Variants in GFRA1 observed in about 807,000 individuals in gnomAD.
GFRA1 encodes the protein GDNF family receptor alpha 1.
A neutral mutation model predicts 51.6 loss-of-function variants in GFRA1; 16 were observed. The ratio of observed to expected loss-of-function variants is 0.31; its 90% confidence interval spans 0.21 to 0.47. The LOEUF (loss-of-function observed/expected upper bound fraction) is 0.47. Among genes scored for constraint, GFRA1 ranks in the 20% least tolerant of loss-of-function variants. The pLI, the probability that GFRA1 is intolerant of heterozygous loss-of-function variation, is 1.00. For synonymous variants in GFRA1, 270 were observed against 241.3 expected (o/e 1.12, Z -1.10); for missense variants, 530 against 594.3 (o/e 0.89, Z 1.13).
chr10:116,206,300 C>T (rs896337950), intron 5 of GFRA1, among the ~76,000 whole-genome samples: 2 of 152,028 alleles, frequency 1.3e-5, no homozygotes, highest in Non-Finnish European at 2.9e-5. Flanking sequence ...GCTAAGGGGT[C>T]GCAGCTTTAT....
At chr10:116,241,854 AT>A (rs1967408826) in intron 4 of GFRA1, among the ~76,000 whole-genome samples, 1 of 152,172 alleles carries the variant, frequency 6.6e-6, no homozygotes, top group African/African-American at 2.4e-5. Context: ...CTACCCAGCC[AT>A]TCTTACTGGA....
chr10:116,268,983 A>G (rs558546566), intron 4 of GFRA1, among the ~76,000 whole-genome samples: 1 of 152,350 alleles, frequency 6.6e-6, no homozygotes, highest in African/African-American at 2.4e-5. Context: ...TCAGGAAAAA[A>G]TAGAAGCAAA....
At chr10:116,087,362 G>C (rs1956145219) in intron 9 of GFRA1, among the ~76,000 whole-genome samples, 1 of 152,152 alleles carries the variant, frequency 6.6e-6, no homozygotes, top group Non-Finnish European at 1.5e-5. Context: ...CAATTTCATG[G>C]GGTTTCCAAT....
At chr10:116,253,290 C>A (rs1267732352) in intron 4 of GFRA1, among the ~76,000 whole-genome samples, 1 of 152,246 alleles carries the variant, frequency 6.6e-6, no homozygotes, top group Non-Finnish European at 1.5e-5. Flanking sequence ...TGAGTCCAGT[C>A]AGCCAGGGCA....
intron 9 of GFRA1, among the ~76,000 whole-genome samples, chr10:116,086,336 G>C (rs541044532): frequency 2.1e-4 from 32 of 152,274 alleles, no homozygotes; most frequent in African/African-American, 7.5e-4. Flanking sequence ...ACTGACTTGG[G>C]ATCAGACACC....
Position 116,270,975 on chromosome 10 carries a change from T to C in GFRA1, c.181A>G (p.Ser61Gly). The C allele has an allele frequency of 6.2e-7, 1 of 1,614,222 alleles. No individual in the cohort carries two copies. The highest frequency in any genetic ancestry group is 8.5e-7 in the Non-Finnish European group (1 of 1,180,042). Reference protein sequence around the residue: ...QCVAGKETNFSLASGLEAKDE... With the variant: ...QCVAGKETNFGLASGLEAKDE... ...TTGGCCTCCAGGCCGGATGCCAGGC[T>C]GAAGTTGGTCTCCTTGCCCGCCACG... The change falls in exon 3 of 11, where the codon AGC (serine) becomes GGC (glycine). Residue 61 changes from serine (S) to glycine (G), a missense_variant. Ser to Gly is a moderately conservative substitution (Grantham distance 56). Coordinates refer to ENST00000355422, the MANE Select transcript of GFRA1 (RefSeq NM_005264.8).
chr10:116,127,101 GAAAA>G (rs56387404), intron 5 of GFRA1, among the ~76,000 whole-genome samples: 16 of 149,292 alleles, frequency 1.1e-4, no homozygotes, highest in South Asian at 2.1e-4. Flanking sequence ...AGAAGAAAAT[GAAAA>G]AAAAAAAAAT....
Position 116,125,431 on chromosome 10 carries a change from C to T in GFRA1, c.560G>A (p.Cys187Tyr). The change falls in exon 6 of 11, where the codon TGC becomes TAC. Residue 187 changes from cysteine (C) to tyrosine (Y), a missense_variant. Transcript: ENST00000355422. Reference sequence around the variant, plus strand: ...GGCCTTGTGGCACTTGCGGCGGTTGCAGACATCGTTGGACACGCTGGTGGT... The same window carrying T: ...GGCCTTGTGGCACTTGCGGCGGTTGTAGACATCGTTGGACACGCTGGTGGT... Reference protein sequence around the residue: ...PCTTSVSNDVCNRRKCHKALR... With the variant: ...PCTTSVSNDVYNRRKCHKALR... 6.2e-7 allele frequency: 1 copy of T among 1,614,118 alleles called. No homozygotes were observed. The highest frequency in any genetic ancestry group is 1.1e-5 in the South Asian group (1 of 91,080).
intron 5 of GFRA1, among the ~76,000 whole-genome samples, chr10:116,171,190 C>T (rs1379286356): frequency 6.6e-6 from 1 of 152,098 alleles, no homozygotes; most frequent in Non-Finnish European, 1.5e-5. Context: ...ATGCTATTTC[C>T]GACTAATCCT....
chr10:116,149,228 T>C (rs1958962329), intron 5 of GFRA1, among the ~76,000 whole-genome samples: 1 of 152,182 alleles, frequency 6.6e-6, no homozygotes, highest in Admixed American at 6.5e-5. Flanking sequence ...TCTCCTTGAA[T>C]TCCAAGAAAG....
At chr10:116,188,157 G>A (rs756448104) in intron 5 of GFRA1, among the ~76,000 whole-genome samples, 3 of 152,118 alleles carry the variant, frequency 2.0e-5, no homozygotes, top group Non-Finnish European at 4.4e-5. Context: ...TGTTCAGGTG[G>A]AATGGTTGGG....
intron 5 of GFRA1, among the ~76,000 whole-genome samples, chr10:116,179,587 C>T (rs1475838589): frequency 4.6e-5 from 7 of 152,190 alleles, no homozygotes; most frequent in Non-Finnish European, 1.5e-5. Flanking sequence ...TTTGTTTACA[C>T]AGACACCTGA....
intron 6 of GFRA1, among the ~76,000 whole-genome samples, chr10:116,124,170 G>T (rs899666093): frequency 1.3e-5 from 2 of 151,982 alleles, no homozygotes; most frequent in African/African-American, 4.8e-5. Context: ...CTCCCAAAGC[G>T]TTGGGATTAC....
chr10:116,200,786 C>T (rs1032609413), intron 5 of GFRA1, among the ~76,000 whole-genome samples: 49 of 152,160 alleles, frequency 3.2e-4, no homozygotes, highest in Non-Finnish European at 8.8e-5. Flanking sequence ...TCCCCAAAGG[C>T]CCCACTTTCT....
chr10:116,065,746 C>A (rs1379905169), intron 9 of GFRA1, 120 bp from the exon 10 acceptor site: 7 of 743,024 alleles, frequency 9.4e-6, no homozygotes, highest in African/African-American at 1.7e-5. Flanking sequence ...CAGCTGTGAG[C>A]TCCATATATA....
At chr10:116,183,971 C>T (rs567918674) in intron 5 of GFRA1, among the ~76,000 whole-genome samples, 121 of 152,340 alleles carry the variant, frequency 7.9e-4, no homozygotes, top group Non-Finnish European at 1.4e-3. Flanking sequence ...GTCACTGACT[C>T]GGCCAGCTAC....
intron 5 of GFRA1, among the ~76,000 whole-genome samples, chr10:116,200,127 G>T (rs560982092): frequency 1.3e-5 from 2 of 152,310 alleles, no homozygotes; most frequent in Admixed American, 6.5e-5. Context: ...TGGACACCTG[G>T]ACTATTTCCA....
intron 5 of GFRA1, among the ~76,000 whole-genome samples, chr10:116,153,834 C>T (rs1259798569): frequency 1.3e-5 from 2 of 152,114 alleles, no homozygotes; most frequent in Non-Finnish European, 2.9e-5. Context: ...ATTTTTAATA[C>T]ATTTATCTGA....
chr10:116,201,647 A>G (rs1471159153), intron 5 of GFRA1, among the ~76,000 whole-genome samples: 1 of 152,136 alleles, frequency 6.6e-6, no homozygotes, highest in African/African-American at 2.4e-5. Context: ...CTGCACTGGA[A>G]GAGGACAGCA....
Sources: gnomAD v4.1 joint callset for allele counts (sites outside exome capture counted in the v4.1 genomes callset) on GRCh38, gnomAD v4.1.1 for gene constraint, MANE v1.5 for transcripts, NCBI Gene and HGNC (gene_info 2026-07-23, HGNC 2026-07-21) for gene names.